HOMER2: variants seen among roughly 807,000 people sequenced by gnomAD.
The protein encoded by HOMER2 is homer protein homolog 2.
In HOMER2, 27 loss-of-function variants were observed where a neutral mutation model predicts 47.0. The ratio of observed to expected loss-of-function variants is 0.57; its 90% confidence interval spans 0.42 to 0.79. The LOEUF (loss-of-function observed/expected upper bound fraction) is 0.79, where lower values mean the gene tolerates loss of function less well. Among genes scored for constraint, HOMER2 ranks in the 30% least tolerant of loss-of-function variants. The pLI is 0.00. For missense variants in HOMER2, 443 were observed against 435.0 expected (o/e 1.02, Z -0.16); for synonymous variants, 161 against 163.8 (o/e 0.98, Z 0.13).
At chr15:82,878,129 C>G (rs150325773) in intron 2 of HOMER2, among the ~76,000 whole-genome samples, 322 of 152,288 alleles carry the variant, frequency 2.1e-3, no homozygotes, top group Non-Finnish European at 3.6e-3. Context: ...GCTGCTACTT[C>G]ACTGCAGGCC....
At chr15:82,836,716 T>C (rs1164928276), downstream of HOMER2, among the ~76,000 whole-genome samples, 1 of 152,248 alleles carries the variant, frequency 6.6e-6, no homozygotes, top group Admixed American at 6.5e-5. Flanking sequence ...GTCAGACTTG[T>C]GTATTCATCT....
At chr15:82,902,699 C>T (rs1316058539) in intron 1 of HOMER2, among the ~76,000 whole-genome samples, 2 of 152,104 alleles carry the variant, frequency 1.3e-5, no homozygotes, top group Non-Finnish European at 2.9e-5. Context: ...TCATGCCATA[C>T]CTGATATGAG....
At chr15:82,907,019 C>T (rs542450154) in intron 1 of HOMER2, among the ~76,000 whole-genome samples, 2 of 152,212 alleles carry the variant, frequency 1.3e-5, no homozygotes, top group South Asian at 4.2e-4. Flanking sequence ...TTAATGAATC[C>T]ACTACTATAG....
chr15:82,945,850 G>C (rs762322838), intron 1 of HOMER2, among the ~76,000 whole-genome samples: 2 of 152,064 alleles, frequency 1.3e-5, no homozygotes, highest in East Asian at 3.9e-4. Context: ...GGCGCCTGTA[G>C]TCCCAGCTAC....
rs1453694027 is a variant in HOMER2 at position 82,854,794 on chromosome 15, G to T, written c.501C>A (p.Ala167=). 3 of 1,608,744 alleles carry T rather than the reference G, an allele frequency of 1.9e-6. No homozygotes were observed. Among genetic ancestry groups the T allele is most frequent in the Middle Eastern group, 1.7e-4 (1 of 5,922 alleles). ...KLKIALTQSA[A]NVKKWEIELQ... ...GCTCGATCTCCCACTTCTTCACGTT[G>T]GCTGCGCTGCAGGACAGGGACGGGC... Residue 167 remains alanine (A), a synonymous_variant, in exon 6 of 9, where the codon GCC becomes GCA. Transcript: ENST00000450735.
intron 3 of HOMER2, among the ~76,000 whole-genome samples, chr15:82,872,283 C>A (rs2052201554): frequency 6.6e-6 from 1 of 152,204 alleles, no homozygotes; most frequent in East Asian, 1.9e-4. Flanking sequence ...CTCCTCACAG[C>A]ACCTGTTCCT....
chr15:82,851,416 C>T (rs1265753251), intron 7 of HOMER2, among the ~76,000 whole-genome samples, 185 bp from the exon 8 acceptor site: 9 of 152,214 alleles, frequency 5.9e-5, no homozygotes, highest in Non-Finnish European at 1.3e-4. Flanking sequence ...TGTCACACGC[C>T]TTGTCACGTG....
chr15:82,923,702 G>A (rs1335810820), intron 1 of HOMER2, among the ~76,000 whole-genome samples: 1 of 152,200 alleles, frequency 6.6e-6, no homozygotes, highest in Admixed American at 6.5e-5. Flanking sequence ...ACGCATGCAA[G>A]TGTGCACATA....
intron 5 of HOMER2, among the ~76,000 whole-genome samples, chr15:82,855,368 G>A (rs1313438556): frequency 3.6e-5 from 5 of 139,946 alleles, no homozygotes; most frequent in Admixed American, 7.3e-5. Context: ...AATTCTTCAC[G>A]AATGAAGAGA....
chr15:82,837,639 G>T (rs575187622), exon 2 of HOMER2: 2 of 152,202 alleles, frequency 1.3e-5, no homozygotes, highest in African/African-American at 2.4e-5. Flanking sequence ...GTCCCAGGTC[G>T]TCCCAAGTCT....
chr15:82,896,254 C>T (rs897917991), intron 1 of HOMER2, among the ~76,000 whole-genome samples: 1 of 152,054 alleles, frequency 6.6e-6, no homozygotes, highest in African/African-American at 2.4e-5. Context: ...CTGAGGCCTA[C>T]AGGAGGGAGG....
intron 1 of HOMER2, among the ~76,000 whole-genome samples, chr15:82,935,040 C>T (rs1477429703): frequency 1.3e-5 from 2 of 152,120 alleles, no homozygotes; most frequent in African/African-American, 4.8e-5. Context: ...GGGCTCTGAA[C>T]CACAGCCTCT....
At chr15:82,939,692 T>C (rs570706253) in intron 1 of HOMER2, among the ~76,000 whole-genome samples, 41 of 152,040 alleles carry the variant, frequency 2.7e-4, no homozygotes, top group African/African-American at 9.4e-4. Flanking sequence ...AAAAAGAACA[T>C]GAATTTTGCT....
At chr15:82,927,834 G>C (rs1376296427) in intron 1 of HOMER2, among the ~76,000 whole-genome samples, 5 of 152,136 alleles carry the variant, frequency 3.3e-5, no homozygotes, top group Non-Finnish European at 7.3e-5. Flanking sequence ...GCCGGGCATA[G>C]TAGTGCATGC....
intron 1 of HOMER2, among the ~76,000 whole-genome samples, chr15:82,949,522 T>C (rs1478431131): frequency 2.0e-5 from 3 of 152,140 alleles, no homozygotes; most frequent in East Asian, 3.8e-4. Flanking sequence ...CCCAAGACCC[T>C]GGCAGTTTTG....
intron 1 of HOMER2, among the ~76,000 whole-genome samples, chr15:82,932,700 A>T (rs951889760): frequency 4.6e-5 from 7 of 152,176 alleles, no homozygotes; most frequent in Admixed American, 4.6e-4. Flanking sequence ...CAAGGGCTTC[A>T]TCACTCCCGC....
chr15:82,908,805 A>G (rs971944891), intron 1 of HOMER2, among the ~76,000 whole-genome samples: 6 of 151,976 alleles, frequency 3.9e-5, no homozygotes, highest in African/African-American at 1.2e-4. Context: ...CAGTGACTCT[A>G]AATTGTCTGG....
intron 1 of HOMER2, among the ~76,000 whole-genome samples, chr15:82,947,052 G>C (rs949520112): frequency 1.3e-5 from 2 of 152,314 alleles, no homozygotes; most frequent in Middle Eastern, 3.4e-3. Flanking sequence ...CTCCCCAAGG[G>C]CAGGAACTAA....
rs2054533207 is a variant in HOMER2 at position 82,952,635 on chromosome 15, C to A, written c.-100G>T. 25 of 1,029,982 alleles carry A rather than the reference C, an allele frequency of 2.4e-5. No homozygotes were observed. Among genetic ancestry groups the A allele is most frequent in the Non-Finnish European group, 2.8e-5 (24 of 860,492 alleles). The allele number at this position is 1,029,982 out of a possible 1,614,324, so 63.8% of individuals were successfully genotyped here. ...CGCGCGGCACATGCGGCGGCCCGTG[C>A]GCGCCCGGCTCAGCCCCGGCGCCGC... On this transcript the variant is annotated 5_prime_UTR_variant, in exon 1 of 9. Coordinates refer to ENST00000450735, the MANE Select transcript of HOMER2 (RefSeq NM_004839.4).
Sources: gnomAD v4.1 joint callset for allele counts (sites outside exome capture counted in the v4.1 genomes callset) on GRCh38, gnomAD v4.1.1 for gene constraint, MANE v1.5 for transcripts, NCBI Gene and HGNC (gene_info 2026-07-23, HGNC 2026-07-21) for gene names.